The following TACC2 variants were observed in gnomAD, a reference collection of about 807,000 sequenced individuals.
TACC2 encodes transforming acidic coiled-coil containing protein 2, also known as transforming acidic coiled-coil-containing protein 2.
In TACC2, 137 loss-of-function variants were observed where a neutral mutation model predicts 227.3. The observed-to-expected ratio is 0.60, with a 90% confidence interval of 0.52 to 0.69. The LOEUF (loss-of-function observed/expected upper bound fraction) is 0.69, where lower values mean the gene tolerates loss of function less well. Ranked by LOEUF, TACC2 falls within the 30% of genes least tolerant of loss-of-function variation. The probability of loss-of-function intolerance (pLI) is 0.00; values close to 1 mark genes in which losing one functional copy is unlikely to be tolerated. For missense variants in TACC2, 3,470 were observed against 3,694.4 expected (o/e 0.94, Z 1.57); for synonymous variants, 1,523 against 1,487.5 (o/e 1.02, Z -0.55).
Position 122,226,346 on chromosome 10 carries a change from T to C in TACC2, c.7609-20T>C, listed in dbSNP as rs372700669. On this transcript the variant is annotated intron_variant, in intron 12 of 22. Transcript: ENST00000369005. ...CAGGCCAACTGTACCCAAGCTGATA[T>C]GTGATTTTGATCCCTGCAGCAGGAC... The C allele has an allele frequency of 2.6e-5, 41 of 1,576,668 alleles. No individual in the cohort carries two copies. The highest frequency in any genetic ancestry group is 3.3e-5 in the Admixed American group (2 of 59,820).
intron 5 of TACC2, among the ~76,000 whole-genome samples, chr10:122,125,571 G>A (rs2086678662): frequency 6.6e-6 from 1 of 152,058 alleles, no homozygotes; most frequent in Non-Finnish European, 1.5e-5. Context: ...GTTTCTTCAT[G>A]GCTAGACCCT....
chr10:122,228,586 C>T (rs1007280354), intron 14 of TACC2, among the ~76,000 whole-genome samples: 2 of 152,180 alleles, frequency 1.3e-5, no homozygotes, highest in African/African-American at 2.4e-5. Flanking sequence ...ATCTGAAATG[C>T]ACCATCCTTC....
chr10:122,081,674 T>C (rs964399132), intron 3 of TACC2, among the ~76,000 whole-genome samples: 2 of 152,168 alleles, frequency 1.3e-5, no homozygotes, highest in African/African-American at 4.8e-5. Flanking sequence ...TTCCCCCAAG[T>C]TCCCTGAGTG....
chr10:122,063,330 C>G (rs1218948461), intron 3 of TACC2, among the ~76,000 whole-genome samples: 1 of 152,176 alleles, frequency 6.6e-6, no homozygotes, highest in African/African-American at 2.4e-5. Context: ...CAGGGTGTGT[C>G]GGGCAGAGCG....
intron 2 of TACC2, among the ~76,000 whole-genome samples, chr10:122,043,351 A>G (rs141955496): frequency 2.0e-5 from 3 of 152,318 alleles, no homozygotes; most frequent in African/African-American, 7.2e-5. Context: ...GGGAAGGCAG[A>G]TATGATTTAC....
rs188032605 is a variant in TACC2, at chr10:122,084,322, C to G, written c.1822C>G (p.Pro608Ala). ...TCAGGCTTTCAGCAGCAAGCGTGAT[C>G]CAGAAGTAGGCAAAGATGAGCTTTC... ...DSQAFSSKRD[P>A]EVGKDELSKP... The change falls in exon 4 of 23, where the codon CCA becomes GCA. Residue 608 changes from proline (P) to alanine (A), a missense_variant. Around this residue, in one of 10 missense-constraint regions of TACC2, gnomAD observed 1,924 missense variants for 1,978.3 expected, o/e 0.97. Coordinates refer to ENST00000369005, the MANE Select transcript of TACC2 (RefSeq NM_206862.4). The G allele has an allele frequency of 1.2e-6, 2 of 1,613,752 alleles. No individual in the cohort carries two copies. Among genetic ancestry groups the G allele is most frequent in the Non-Finnish European group, 1.7e-6 (2 of 1,180,050 alleles).
chr10:122,203,253 T>A (rs1239894783), intron 8 of TACC2, among the ~76,000 whole-genome samples: 1 of 145,164 alleles, frequency 6.9e-6, no homozygotes, highest in Non-Finnish European at 1.5e-5. Context: ...GAGGCACCCC[T>A]CACCTCCCGG....
At chr10:122,167,093 C>T (rs1377018331) in intron 7 of TACC2, among the ~76,000 whole-genome samples, 1 of 152,204 alleles carries the variant, frequency 6.6e-6, no homozygotes, top group African/African-American at 2.4e-5. Flanking sequence ...CCACCAAATC[C>T]CCACACCCTG....
intron 5 of TACC2, among the ~76,000 whole-genome samples, chr10:122,117,357 C>A (rs2084893220): frequency 6.6e-6 from 1 of 151,838 alleles, no homozygotes; most frequent in Non-Finnish European, 1.5e-5. Flanking sequence ...CCATGCCCGG[C>A]TAATTTTTTG....
At chr10:122,051,711 A>G (rs1226944597) in intron 3 of TACC2, 1 of 151,242 alleles carries the variant, frequency 6.6e-6, no homozygotes, top group Non-Finnish European at 1.5e-5. Flanking sequence ...AGACAATGCA[A>G]CTTTGACTCA....
chr10:122,107,876 A>ATTT (rs1464725854), intron 5 of TACC2, among the ~76,000 whole-genome samples: 2,839 of 85,302 alleles, frequency 0.033, 57 homozygotes, highest in Non-Finnish European at 0.055. Flanking sequence ...ATATATATAT[A>ATTT]TATATTTTTT....
chr10:122,241,879 C>T (rs2096003636), intron 18 of TACC2, 79 bp from the exon 19 acceptor site: 3 of 1,360,166 alleles, frequency 2.2e-6, no homozygotes, highest in African/African-American at 2.8e-5. Flanking sequence ...GGACATGGGT[C>T]AGGCTGTGGC....
intron 5 of TACC2, among the ~76,000 whole-genome samples, chr10:122,125,155 T>C (rs1456303701): frequency 6.6e-6 from 1 of 152,158 alleles, no homozygotes; most frequent in Non-Finnish European, 1.5e-5. Context: ...AGACTCTCCT[T>C]CCATCTGGAG....
At chr10:122,189,129 C>G (rs1328375956) in intron 7 of TACC2, among the ~76,000 whole-genome samples, 1 of 152,094 alleles carries the variant, frequency 6.6e-6, no homozygotes, top group African/African-American at 2.4e-5. Context: ...AAAAAAATGA[C>G]CGGTCTGATC....
intron 7 of TACC2, among the ~76,000 whole-genome samples, chr10:122,191,631 A>G (rs572459324): frequency 6.6e-6 from 1 of 152,354 alleles, no homozygotes; most frequent in South Asian, 2.1e-4. Context: ...TGGGTTGGAC[A>G]AGGTTGGTTT....
intron 5 of TACC2, among the ~76,000 whole-genome samples, chr10:122,122,997 G>A (rs909232717): frequency 3.9e-5 from 6 of 152,060 alleles, no homozygotes; most frequent in Admixed American, 1.3e-4. Context: ...GAGAGAGGTT[G>A]GCCTCTCTGG....
chr10:122,222,046 G>C (rs1010898), intron 11 of TACC2, among the ~76,000 whole-genome samples: 50,446 of 152,158 alleles, frequency 0.33, 8,983 homozygotes, highest in Middle Eastern at 0.5. Flanking sequence ...CGATGACTGA[G>C]CCTCTTCAGC....
chr10:122,181,251 T>C (rs975701550), intron 7 of TACC2, among the ~76,000 whole-genome samples: 1 of 152,156 alleles, frequency 6.6e-6, no homozygotes, highest in African/African-American at 2.4e-5. Flanking sequence ...GGAGGGGGCA[T>C]TGTTGGATGT....
rs150221326 is a variant in TACC2 at position 122,054,157 on chromosome 10, G to A, written c.146+3607G>A. The stretch of plus-strand genomic sequence containing the variant: ...AACATGGGGTTTACTCATCCCCAAA[G>A]TTCTTCAATAGGAAGAGTGGGGTCC... On this transcript the variant is annotated intron_variant, in intron 3 of 22. Transcript: ENST00000369005. Among the ~76,000 whole-genome samples, 496 of 152,302 alleles carry A rather than the reference G, an allele frequency of 3.3e-3. 3 individuals carry two copies. Among genetic ancestry groups the A allele is most frequent in the African/African-American group, 0.011 (472 of 41,558 alleles).
Sources: gnomAD v4.1 joint callset for allele counts (sites outside exome capture counted in the v4.1 genomes callset) on GRCh38, gnomAD v4.1.1 for gene constraint, gnomAD v4.1.1 regional missense constraint, MANE v1.5 for transcripts, NCBI Gene and HGNC (gene_info 2026-07-23, HGNC 2026-07-21) for gene names.